Variants in CERS3 observed in about 807,000 individuals in gnomAD.
CERS3 encodes the protein LAG1 homolog, ceramide synthase 3.
Under a neutral mutation model 50.3 loss-of-function variants are expected in CERS3, and 33 were observed. The observed-to-expected ratio is 0.66, with a 90% CI of 0.50 to 0.88. The LOEUF is 0.88. Ranked by LOEUF, CERS3 falls within the 40% of genes least tolerant of loss-of-function variation. CERS3 has a pLI of 0.00. For missense variants in CERS3, 470 were observed against 460.3 expected (o/e 1.02, Z -0.19); for synonymous variants, 176 against 155.2 (o/e 1.13, Z -0.99).
intron 1 of CERS3, among the ~76,000 whole-genome samples, chr15:100,541,235 C>T (rs2037195230): frequency 6.6e-6 from 1 of 151,988 alleles, no homozygotes; most frequent in Non-Finnish European, 1.5e-5. Flanking sequence ...AAGCAGTGTC[C>T]CTCAGGCGGG....
intron 7 of CERS3, among the ~76,000 whole-genome samples, chr15:100,477,777 G>A (rs964367436): frequency 6.6e-6 from 1 of 152,166 alleles, no homozygotes; most frequent in African/African-American, 2.4e-5. Flanking sequence ...GGTTGACTAA[G>A]GAAAAGGAGT....
At chr15:100,482,386 T>C (rs58564994) in intron 5 of CERS3, among the ~76,000 whole-genome samples, 3,448 of 152,020 alleles carry the variant, frequency 0.023, 138 homozygotes, top group African/African-American at 0.078. Flanking sequence ...TGGGGCCAGA[T>C]GGGAGGCCTG....
At chr15:100,452,780 G>T (rs2034218888) in intron 11 of CERS3, among the ~76,000 whole-genome samples, 1 of 151,718 alleles carries the variant, frequency 6.6e-6, no homozygotes, top group Non-Finnish European at 1.5e-5. Flanking sequence ...AAGGAGAAAA[G>T]ACCAAAATAA....
chr15:100,432,835 C>T (rs1023261751), intron 11 of CERS3, among the ~76,000 whole-genome samples: 4 of 152,188 alleles, frequency 2.6e-5, no homozygotes, highest in South Asian at 4.1e-4. Context: ...GGCTTGATGA[C>T]TGGTATCTGA....
At chr15:100,529,599 G>C (rs1178522403), upstream of CERS3, among the ~76,000 whole-genome samples, 1 of 152,172 alleles carries the variant, frequency 6.6e-6, no homozygotes, top group Non-Finnish European at 1.5e-5. Context: ...GTCTCTGTGT[G>C]CTTGAACCAC....
At chr15:100,502,267 A>AAAAAAAAAAAAAAAAAG (rs2036033219) in intron 2 of CERS3, among the ~76,000 whole-genome samples, 8 of 109,260 alleles carry the variant, frequency 7.3e-5, no homozygotes, top group Admixed American at 1.2e-4. Flanking sequence ...AAAAAAAAAA[A>AAAAAAAAAAAAAAAAAG]AAAGAAAGAA....
At chr15:100,461,035 G>A (rs1294502205) in intron 10 of CERS3, among the ~76,000 whole-genome samples, 1 of 152,052 alleles carries the variant, frequency 6.6e-6, no homozygotes, top group Non-Finnish European at 1.5e-5. Flanking sequence ...AGGTGGGAGA[G>A]GTGAAGAAGC....
chr15:100,478,694 G>T (rs1354299116), intron 7 of CERS3, among the ~76,000 whole-genome samples: 1 of 152,006 alleles, frequency 6.6e-6, no homozygotes, highest in African/African-American at 2.4e-5. Context: ...TGCTAATCTA[G>T]AATTCTATAC....
At chr15:100,428,605 T>C (rs1170052641) in intron 11 of CERS3, among the ~76,000 whole-genome samples, 1 of 152,230 alleles carries the variant, frequency 6.6e-6, no homozygotes, top group African/African-American at 2.4e-5. Flanking sequence ...GATTGTCAAA[T>C]ATCCTTGAAG....
At chr15:100,496,644 G>A (rs1039039110) in intron 3 of CERS3, among the ~76,000 whole-genome samples, 2 of 152,090 alleles carry the variant, frequency 1.3e-5, no homozygotes, top group African/African-American at 4.8e-5. Context: ...TCAAATTTTG[G>A]ATGAACTTTA....
At chr15:100,530,454 C>T (rs566647788), upstream of CERS3, among the ~76,000 whole-genome samples, 43 of 152,346 alleles carry the variant, frequency 2.8e-4, 1 homozygote, top group South Asian at 8.5e-3. Flanking sequence ...GCTGCTCTCT[C>T]GCCTCTGTGC....
intron 11 of CERS3, among the ~76,000 whole-genome samples, chr15:100,425,094 G>A (rs539357728): frequency 3.3e-5 from 5 of 152,310 alleles, no homozygotes; most frequent in African/African-American, 9.6e-5. Flanking sequence ...GAGGATGTAC[G>A]GAAATGCCTA....
chr15:100,543,730 A>G (rs1264813553), intron 1 of CERS3, among the ~76,000 whole-genome samples: 2 of 151,908 alleles, frequency 1.3e-5, no homozygotes, highest in African/African-American at 4.8e-5. Flanking sequence ...GGGTTTCACC[A>G]TGTTGGCCAG....
intron 1 of CERS3, 124 bp downstream of exon 1, chr15:100,528,689 A>C (rs8041736): frequency 4.1e-4 from 63 of 152,524 alleles, no homozygotes; most frequent in African/African-American, 1.3e-3. Context: ...CCCAATCTCC[A>C]TCTCCTCTCC....
At chr15:100,524,973 C>T (rs1372557320) in intron 1 of CERS3, among the ~76,000 whole-genome samples, 1 of 152,126 alleles carries the variant, frequency 6.6e-6, no homozygotes, top group Non-Finnish European at 1.5e-5. Flanking sequence ...CATCTTAGAA[C>T]CTGAATATAG....
intron 11 of CERS3, among the ~76,000 whole-genome samples, chr15:100,421,553 T>G (rs536287006): frequency 2.0e-5 from 3 of 150,370 alleles, no homozygotes; most frequent in Non-Finnish European, 4.5e-5. Flanking sequence ...AAGCTACCAA[T>G]GACTTTCTTC....
At chr15:100,414,809 C>A (rs2031767045) in intron 11 of CERS3, among the ~76,000 whole-genome samples, 1 of 113,078 alleles carries the variant, frequency 8.8e-6, no homozygotes, top group African/African-American at 3.5e-5. Flanking sequence ...AATGTAAAAC[C>A]CAAAATGATT....
At chr15:100,464,296 C>T (rs2142218503) in intron 10 of CERS3, among the ~76,000 whole-genome samples, 1 of 152,348 alleles carries the variant, frequency 6.6e-6, no homozygotes, top group Non-Finnish European at 1.5e-5. Context: ...TCTTCAACCA[C>T]ATGAAACAGG....
intron 1 of CERS3, among the ~76,000 whole-genome samples, chr15:100,543,893 G>A (rs1292295260): frequency 2.6e-5 from 4 of 152,166 alleles, no homozygotes; most frequent in African/African-American, 9.7e-5. Context: ...CCTGATACAT[G>A]TTTTGAATTT....
Sources: allele counts gnomAD v4.1 joint callset (sites outside exome capture counted in the v4.1 genomes callset), GRCh38; gene constraint gnomAD v4.1.1; transcripts MANE v1.5; gene names NCBI Gene and HGNC (gene_info 2026-07-23, HGNC 2026-07-21).